Variants in FBXW5 observed in about 807,000 individuals in gnomAD.
The protein encoded by FBXW5 is F-box/WD repeat-containing protein 5.
A neutral mutation model predicts 50.9 loss-of-function variants in FBXW5; 74 were observed. The observed-to-expected ratio is 1.45, with a 90% CI of 1.20 to 1.76. FBXW5 has a LOEUF of 1.76. Ranked by LOEUF, FBXW5 falls within the 40% of genes most tolerant of loss-of-function variation. FBXW5 has a pLI of 0.00. For synonymous variants in FBXW5, 523 were observed against 362.2 expected, an observed-to-expected ratio of 1.44 and a Z score of -5.04; for missense variants, 1,073 against 818.8, an observed-to-expected ratio of 1.31 and a Z score of -3.79.
chr9:136,943,017 A>G (rs1211924727), intron 3 of FBXW5, 74 bp from the exon 4 acceptor site: 2 of 1,601,362 alleles, frequency 1.2e-6, no homozygotes, highest in Non-Finnish European at 8.5e-7. Flanking sequence ...CACAGCCATG[A>G]GGCCCCAGCT....
In FBXW5 at chr9:136,940,837, A is replaced by G. The variant is rs1850721870; in HGVS notation, c.*91T>C. ...CCCCTTCCTAAGGCGTAACTGCTATAAGCATCTCCACCTCTCCCGCTCGGG... is the reference window on the plus strand; with the variant it reads ...CCCCTTCCTAAGGCGTAACTGCTATGAGCATCTCCACCTCTCCCGCTCGGG... On this transcript the variant is annotated 3_prime_UTR_variant, in exon 9 of 9. Coordinates refer to ENST00000325285, the MANE Select transcript of FBXW5 (RefSeq NM_018998.4). 6.8e-7 allele frequency: 1 copy of G among 1,477,726 alleles called. No homozygotes were observed. Among genetic ancestry groups the G allele is most frequent in the Non-Finnish European group, 9.0e-7 (1 of 1,111,326 alleles). 91.5% of individuals were successfully genotyped at this position (1,477,726 alleles called of 1,614,324 possible). A position where few individuals can be genotyped will look rare whatever the true frequency, so the allele number is the denominator to read the frequency against.
chr9:136,942,462 A>G lies in FBXW5; in HGVS notation c.680T>C (p.Val227Ala). ...VLWLNNAFQDVESENVNVVKR... is the reference protein window; with the variant it reads ...VLWLNNAFQDAESENVNVVKR... ...CACCACGTTGACGTTCTCTGACTCC[A>G]CATCCTGGGGGCGGGGGCACGTGCC... Residue 227 changes from valine (V) to alanine (A), a missense_variant, in exon 6 of 9, where the codon GTG becomes GCG. Val to Ala is a moderately conservative substitution (Grantham distance 64). Transcript: ENST00000325285. 1 of 1,598,996 alleles carries G rather than the reference A, an allele frequency of 6.3e-7. No homozygotes were observed.
At position 136,940,901 on chromosome 9, in the gene FBXW5, C is replaced by G. The variant is rs748772815; in HGVS notation, c.*27G>C. On this transcript the variant is annotated 3_prime_UTR_variant, in exon 9 of 9. Coordinates refer to ENST00000325285, the MANE Select transcript of FBXW5 (RefSeq NM_018998.4). ...GCCTGGCGATGTCCTCAAGGGGTCC[C>G]GGTGGCTCCAGTGCACCCAGCACAC... The G allele has an allele frequency of 6.4e-7, 1 of 1,569,094 alleles. No individual in the cohort carries two copies. The highest frequency in any genetic ancestry group is 1.8e-5 in the Admixed American group (1 of 56,254).
chr9:136,941,096 A>G lies in FBXW5; in HGVS notation c.1533T>C (p.Asp511=). ...NICLARLRHE[D]VVNSVVFSPQ... ...GACTGAAGACCACTGAGTTGACCAC[A>G]TCCTCGTGCCGCAGCCTGGCCAGAC... The change falls in exon 9 of 9, where the codon GAT becomes GAC. Residue 511 remains aspartate (D), a synonymous_variant. Coordinates refer to ENST00000325285, the MANE Select transcript of FBXW5 (RefSeq NM_018998.4). 3 of 1,579,558 alleles carry G rather than the reference A, an allele frequency of 1.9e-6. No homozygotes were observed. The highest frequency in any genetic ancestry group is 2.6e-6 in the Non-Finnish European group (3 of 1,162,718).
chr9:136,942,982 G>A, intron 3 of FBXW5, 39 bp from the exon 4 acceptor site: 1 of 1,610,410 alleles, frequency 6.2e-7, no homozygotes, highest in Non-Finnish European at 8.5e-7. Context: ...GCCTGGCCAG[G>A]TCGCGGGGCG....
In FBXW5 at chr9:136,942,314, G is replaced by A. The variant is rs771885262; in HGVS notation, c.828C>T (p.Pro276=). The A allele has an allele frequency of 8.8e-6, 14 of 1,598,212 alleles. No homozygotes were observed. The Admixed American group carries it at 2.3e-4, about 26-fold the overall frequency. ...LLEAGDPATS[P]CRIFDLGSDN... Reference sequence around the variant, plus strand: ...CGCTGCCCAGGTCAAAGATGCGGCAGGGGGACGTGGCCGGGTCACCGGCTT... The same window carrying A: ...CGCTGCCCAGGTCAAAGATGCGGCAAGGGGACGTGGCCGGGTCACCGGCTT... The change falls in exon 6 of 9, where the codon CCC becomes CCT. Residue 276 remains proline (P), a synonymous_variant. Transcript: ENST00000325285.
rs747001021 is a variant in FBXW5, at chr9:136,941,078, G to A, written c.1551C>T (p.Val517=). ...GCAGCTCCTGCTCCTGGGGACTGAA[G>A]ACCACTGAGTTGACCACATCCTCGT... ...LRHEDVVNSV[V]FSPQEQELLL... The change falls in exon 9 of 9, where the codon GTC becomes GTT. Residue 517 remains valine (V), a synonymous_variant. Transcript: ENST00000325285. The A allele has an allele frequency of 4.5e-6, 7 of 1,565,476 alleles. No individual in the cohort carries two copies. The highest frequency in any genetic ancestry group is 6.1e-6 in the Non-Finnish European group (7 of 1,155,016).
chr9:136,941,546 G>C lies in FBXW5; in HGVS notation c.1235C>G (p.Pro412Arg), dbSNP rs762147478. ...CTGGCAAGAGGCCCACCTGTTGTCG[G>C]GCGACAGGCCCATGCCGATGATGTG... ...HGHIIGMGLS[P>R]DNRYLYVNSR... is the part of the protein sequence containing the mutation. The change falls in exon 7 of 9, where the codon CCC becomes CGC. Residue 412 changes from proline to arginine, a missense_variant. Pro to Arg is a moderately radical substitution (Grantham distance 103). Transcript: ENST00000325285. The C allele has an allele frequency of 1.2e-6, 2 of 1,610,550 alleles. No individual in the cohort carries two copies. The highest frequency in any genetic ancestry group is 2.2e-5 in the South Asian group (2 of 91,058).
At chr9:136,943,641 T>C in intron 2 of FBXW5, 135 bp from the exon 3 acceptor site, 5 of 1,274,214 alleles carry the variant, frequency 3.9e-6, no homozygotes, top group Non-Finnish European at 5.3e-6. Flanking sequence ...AGGCCTCGGC[T>C]GGGGGATTCA....
rs2131364501 is a variant in FBXW5, at chr9:136,944,712, A to ACGAGCCC, written c.-149_-143dup. On this transcript the variant is annotated 5_prime_UTR_variant, in exon 1 of 9. Coordinates refer to ENST00000325285, the MANE Select transcript of FBXW5 (RefSeq NM_018998.4). Reference sequence around the variant, plus strand: ...CGGGGAGCCCGCCAGGCCCGACGCCACGAGCCCCGAGGCATCGATGGCCGA... The same window carrying ACGAGCCC: ...CGGGGAGCCCGCCAGGCCCGACGCCACGAGCCCCGAGCCCCGAGGCATCGATGGCCGA... 1.0e-6 allele frequency: 1 copy of ACGAGCCC among 985,658 alleles called. No individual in the cohort carries two copies. Among genetic ancestry groups the ACGAGCCC allele is most frequent in the East Asian group, 1.1e-4 (1 of 8,818 alleles). The allele number at this position is 985,658 out of a possible 1,614,324, so 61.1% of individuals were successfully genotyped here. A position where few individuals can be genotyped will look rare whatever the true frequency, so the allele number is the denominator to read the frequency against.
Position 136,944,148 on chromosome 9 carries a change from G to A in FBXW5, c.-23-42C>T, listed in dbSNP as rs551259336. 1.6e-5 allele frequency: 24 copies of A among 1,489,326 alleles called. No homozygotes were observed. In the Admixed American group the frequency reaches 3.5e-4, roughly 22 times the overall value. The allele number at this position is 1,489,326 out of a possible 1,614,324, so 92.3% of individuals were successfully genotyped here. A position where few individuals can be genotyped will look rare whatever the true frequency, so the allele number is the denominator to read the frequency against. On this transcript the variant is annotated intron_variant, in intron 1 of 8. Coordinates refer to ENST00000325285, the MANE Select transcript of FBXW5 (RefSeq NM_018998.4). ...GCTGCCCTCAGCCCAGGCCCGGGAA[G>A]GGAGGCCGAGAGCGGGCGTCCTGTT...
chr9:136,941,528 GAGGCCCACCTGTTGTCGGGCGAC>G lies in FBXW5; in HGVS notation c.1230_1244+8del, dbSNP rs763064833. 1.9e-6 allele frequency: 3 copies of G among 1,609,272 alleles called. No individual in the cohort carries two copies. Among genetic ancestry groups the G allele is most frequent in the Non-Finnish European group, 1.7e-6 (2 of 1,179,314 alleles). ...GGCACCCCGCCTGGGACACTGGCAA[GAGGCCCACCTGTTGTCGGGCGAC>G]AGGCCCATGCCGATGATGTGTCCGT... On this transcript the variant is annotated splice_donor_variant and splice_donor_5th_base_variant and coding_sequence_variant and intron_variant, in exon 7 of 9. Transcript: ENST00000325285. LOFTEE classifies it high-confidence loss of function.
rs1364610755 is a variant in FBXW5, at chr9:136,942,568, C to CAGCACCGAGCAGGAGGTGAT, written c.634_653dup (p.Trp219SerfsTer24). 1.9e-6 allele frequency: 3 copies of CAGCACCGAGCAGGAGGTGAT among 1,611,910 alleles called. No individual in the cohort carries two copies. The East Asian group carries it at 6.7e-5, about 36-fold the overall frequency. On this transcript the variant is annotated frameshift_variant, in exon 5 of 9. Transcript: ENST00000325285. LOFTEE classifies it high-confidence loss of function. Reference sequence around the variant, plus strand: ...GCACCTGGAAGGCATTGTTGAGCCACAGCACCGAGCAGGAGGTGATATCTC... The same window carrying CAGCACCGAGCAGGAGGTGAT: ...GCACCTGGAAGGCATTGTTGAGCCACAGCACCGAGCAGGAGGTGATAGCACCGAGCAGGAGGTGATATCTC...
chr9:136,942,991 C>T (rs774188507), intron 3 of FBXW5, 48 bp from the exon 4 acceptor site: 154 of 1,608,844 alleles, frequency 9.6e-5, no homozygotes, highest in East Asian at 4.9e-4. Flanking sequence ...GGTCGCGGGG[C>T]GGGGGCCTGC....
chr9:136,943,453 CGCAGG>C lies in FBXW5; in HGVS notation c.242_246del (p.Pro81ArgfsTer108). ...TGTTCCCGCAGCGTCTGCACCTCCA[CGCAGG>C]GCACCGTGTCATACAGCCGCTGGAA... On this transcript the variant is annotated frameshift_variant, in exon 3 of 9. Transcript: ENST00000325285. LOFTEE classifies it high-confidence loss of function. 1.9e-6 allele frequency: 3 copies of C among 1,612,776 alleles called. No homozygotes were observed. The highest frequency in any genetic ancestry group is 1.7e-5 in the Admixed American group (1 of 60,004).
rs377091309 is a variant in FBXW5 at position 136,943,463 on chromosome 9, C to A, written c.237G>T (p.Thr79=). 2 of 1,612,470 alleles carry A rather than the reference C, an allele frequency of 1.2e-6. No individual in the cohort carries two copies. Among genetic ancestry groups the A allele is most frequent in the African/African-American group, 2.7e-5 (2 of 74,920 alleles). Residue 79 remains threonine, a synonymous_variant, in exon 3 of 9, where the codon ACG becomes ACT. Transcript: ENST00000325285. ...GCGTCTGCACCTCCACGCAGGGCAC[C>A]GTGTCATACAGCCGCTGGAACTCCT... The part of the protein sequence containing the change: ...WYEEFQRLYD[T]VPCVEVQTLR...
chr9:136,943,229 G>C, intron 3 of FBXW5, 120 bp downstream of exon 3: 1 of 1,321,488 alleles, frequency 7.6e-7, no homozygotes, highest in Middle Eastern at 2.6e-4. Flanking sequence ...GGAGGCTGCT[G>C]TCACCTCTGG....
At position 136,942,126 on chromosome 9, in the gene FBXW5, G is replaced by A. The variant is rs1229199112; in HGVS notation, c.1016C>T (p.Pro339Leu). Residue 339 changes from proline (P) to leucine (L), a missense_variant, in exon 6 of 9, where the codon CCC (proline) becomes CTC (leucine). Physicochemically the swap from Pro to Leu is moderately conservative, Grantham distance 98. Transcript: ENST00000325285. Reference protein sequence around the residue: ...ELLAQGHTKPPERSATGAKSK... With the variant: ...ELLAQGHTKPLERSATGAKSK... The stretch of plus-strand genomic sequence containing the variant: ...CTTGGCGCCTGTGGCACTGCGCTCG[G>A]GTGGCTTGGTGTGGCCCTGGGCCAG... 6.2e-7 allele frequency: 1 copy of A among 1,611,776 alleles called. No individual in the cohort carries two copies. The highest frequency in any genetic ancestry group is 8.5e-7 in the Non-Finnish European group (1 of 1,179,080).
intron 1 of FBXW5, chr9:136,944,354 C>T: frequency 3.2e-6 from 2 of 619,864 alleles, no homozygotes; most frequent in Non-Finnish European, 4.3e-6. Context: ...CCGCCAGGGC[C>T]CGGACCGCCG....
Sources: gnomAD v4.1 joint callset for allele counts on GRCh38, gnomAD v4.1.1 for gene constraint, MANE v1.5 for transcripts, NCBI Gene and HGNC (gene_info 2026-07-23, HGNC 2026-07-21) for gene names.